The following CNTN5 variants were observed in gnomAD, a reference collection of about 807,000 sequenced individuals.
The protein encoded by CNTN5 is contactin-5.
Under a neutral mutation model 129.1 loss-of-function variants are expected in CNTN5, and 77 were observed. The observed-to-expected ratio is 0.60, with a 90% CI of 0.50 to 0.72. CNTN5 has a LOEUF of 0.72. Ranked by LOEUF, CNTN5 falls within the 30% of genes least tolerant of loss-of-function variation. The pLI, the probability that CNTN5 is intolerant of heterozygous loss-of-function variation, is 0.00. For missense variants in CNTN5, 1,478 were observed against 1,328.8 expected (o/e 1.11, Z -1.75); for synonymous variants, 509 against 465.6 (o/e 1.09, Z -1.20).
chr11:100,100,239 T>A (rs887104822), intron 13 of CNTN5, among the ~76,000 whole-genome samples: 2 of 152,148 alleles, frequency 1.3e-5, no homozygotes, highest in African/African-American at 4.8e-5. Context: ...TGTTTTTGTG[T>A]TTGTGTATGT....
chr11:99,334,730 G>GA (rs151017258), intron 2 of CNTN5, among the ~76,000 whole-genome samples: 2 of 151,586 alleles, frequency 1.3e-5, no homozygotes, highest in African/African-American at 4.8e-5. Flanking sequence ...GACACAGTAT[G>GA]AAAAAAATGT....
chr11:99,791,835 G>C (rs879937615), intron 3 of CNTN5, among the ~76,000 whole-genome samples: 10 of 152,082 alleles, frequency 6.6e-5, no homozygotes, highest in Non-Finnish European at 1.0e-4. Flanking sequence ...CTGGTTAGCT[G>C]TATTCCTAGG....
At chr11:99,883,820 A>T (rs1948830841) in intron 6 of CNTN5, among the ~76,000 whole-genome samples, 1 of 152,048 alleles carries the variant, frequency 6.6e-6, no homozygotes, top group Non-Finnish European at 1.5e-5. Context: ...GCATGTCCAC[A>T]CCCTTTTCAG....
chr11:99,153,815 C>CTTTTTTTTTTTTTTTTTT (rs60782977), intron 1 of CNTN5, among the ~76,000 whole-genome samples: 2 of 103,346 alleles, frequency 1.9e-5, no homozygotes, highest in African/African-American at 3.9e-5. Context: ...CTTTGAATGG[C>CTTTTTTTTTTTTTTTTTT]TTTTTTTTTT....
At chr11:100,012,354 A>T (rs1940583348) in intron 9 of CNTN5, among the ~76,000 whole-genome samples, 1 of 152,150 alleles carries the variant, frequency 6.6e-6, no homozygotes, top group African/African-American at 2.4e-5. Flanking sequence ...AGACGTGTGG[A>T]TGTACCGCTC....
intron 9 of CNTN5, among the ~76,000 whole-genome samples, chr11:100,030,906 A>G (rs1051883407): frequency 6.6e-6 from 1 of 152,296 alleles, no homozygotes; most frequent in Non-Finnish European, 1.5e-5. Context: ...GAGCTGGAAG[A>G]CCACATTTCC....
chr11:100,084,303 C>T (rs1415964804), intron 13 of CNTN5, among the ~76,000 whole-genome samples: 1 of 152,042 alleles, frequency 6.6e-6, no homozygotes, highest in Non-Finnish European at 1.5e-5. Context: ...GGAATTCAAG[C>T]ATCTAAGTAT....
intron 7 of CNTN5, among the ~76,000 whole-genome samples, chr11:99,954,409 A>G (rs1591475630): frequency 6.6e-6 from 1 of 152,144 alleles, no homozygotes; most frequent in African/African-American, 2.4e-5. Context: ...ACTAATCTCA[A>G]TATCTTCTGA....
At chr11:99,504,716 T>C (rs1946554981) in intron 2 of CNTN5, among the ~76,000 whole-genome samples, 1 of 152,128 alleles carries the variant, frequency 6.6e-6, no homozygotes, top group Admixed American at 6.5e-5. Context: ...AGAAAGTCGT[T>C]CTTCAAGCTC....
chr11:99,951,262 A>T (rs1189959466), intron 7 of CNTN5, among the ~76,000 whole-genome samples: 1 of 122,432 alleles, frequency 8.2e-6, no homozygotes, highest in African/African-American at 2.6e-5. Context: ...CAAGGGAAGA[A>T]CTAGGTAAAA....
At chr11:99,086,570 G>A (rs1866016372) in intron 1 of CNTN5, among the ~76,000 whole-genome samples, 2 of 152,136 alleles carry the variant, frequency 1.3e-5, no homozygotes, top group Admixed American at 6.5e-5. Context: ...TCACTTATCA[G>A]CATGATTCAC....
chr11:99,807,106 G>A (rs998240568), intron 3 of CNTN5, among the ~76,000 whole-genome samples: 4 of 151,842 alleles, frequency 2.6e-5, no homozygotes, highest in Non-Finnish European at 4.4e-5. Flanking sequence ...CTAATAAAGT[G>A]CAAATCTAAT....
chr11:99,194,321 T>C (rs1858793835), intron 1 of CNTN5, among the ~76,000 whole-genome samples: 1 of 152,094 alleles, frequency 6.6e-6, no homozygotes, highest in Non-Finnish European at 1.5e-5. Context: ...AAGAGAGACA[T>C]TAGACCACAA....
chr11:99,774,272 TAAA>T (rs138859607), intron 3 of CNTN5, among the ~76,000 whole-genome samples: 58 of 140,622 alleles, frequency 4.1e-4, no homozygotes, highest in Admixed American at 6.4e-4. Context: ...ATCAGAGTGA[TAAA>T]AAAAAAAAAC....
At chr11:100,172,157 A>C (rs1947845546) in intron 13 of CNTN5, among the ~76,000 whole-genome samples, 1 of 152,076 alleles carries the variant, frequency 6.6e-6, no homozygotes, top group African/African-American at 2.4e-5. Context: ...AATAATATTA[A>C]AACAAATACT....
At chr11:99,228,210 G>A (rs1860794096) in intron 1 of CNTN5, among the ~76,000 whole-genome samples, 1 of 152,144 alleles carries the variant, frequency 6.6e-6, no homozygotes. Flanking sequence ...TTATATAGAT[G>A]TATTAATATA....
chr11:99,037,769 G>A (rs1223614160), intron 1 of CNTN5, among the ~76,000 whole-genome samples: 5 of 150,952 alleles, frequency 3.3e-5, no homozygotes, highest in Non-Finnish European at 5.9e-5. Context: ...TAGTAGAGAC[G>A]GGGTTTCACC....
At chr11:99,838,058 A>T (rs1238139901) in intron 4 of CNTN5, among the ~76,000 whole-genome samples, 1 of 152,164 alleles carries the variant, frequency 6.6e-6, no homozygotes, top group East Asian at 1.9e-4. Flanking sequence ...AAATGTAACT[A>T]CCAGAAAATC....
intron 8 of CNTN5, among the ~76,000 whole-genome samples, chr11:99,992,064 T>A (rs1939139800): frequency 6.6e-6 from 1 of 152,170 alleles, no homozygotes; most frequent in Admixed American, 6.5e-5. Flanking sequence ...GAAACAGATA[T>A]GAAGTATGGT....
Sources: allele counts gnomAD v4.1 joint callset (sites outside exome capture counted in the v4.1 genomes callset), GRCh38; gene constraint gnomAD v4.1.1; transcripts MANE v1.5; gene names NCBI Gene and HGNC (gene_info 2026-07-23, HGNC 2026-07-21).